The following TSPAN9 variants were observed in gnomAD, a reference collection of about 807,000 sequenced individuals.
TSPAN9 encodes the protein tetraspanin-9.
Under a neutral mutation model 31.0 loss-of-function variants are expected in TSPAN9, and 16 were observed. The observed-to-expected ratio is 0.52, with a 90% CI of 0.35 to 0.78. The LOEUF is 0.78. TSPAN9 is among the 30% of genes least tolerant of loss of function. The pLI is 0.01. For missense variants in TSPAN9, 272 were observed against 312.5 expected (o/e 0.87, Z 0.98); for synonymous variants, 145 against 121.6 (o/e 1.19, Z -1.27).
intron 3 of TSPAN9, among the ~76,000 whole-genome samples, chr12:3,254,396 G>A (rs1862307865): frequency 6.6e-6 from 1 of 152,218 alleles, no homozygotes; most frequent in African/African-American, 2.4e-5. Context: ...CTGCCCACAA[G>A]TCAACAGAAA....
intron 2 of TSPAN9, among the ~76,000 whole-genome samples, chr12:3,166,126 A>C (rs2098348308): frequency 6.6e-6 from 1 of 152,234 alleles, no homozygotes; most frequent in Admixed American, 6.5e-5. Flanking sequence ...CTTGATGAAA[A>C]TGGTTGAAAT....
At chr12:3,216,141 C>T (rs1271640443) in intron 3 of TSPAN9, among the ~76,000 whole-genome samples, 1 of 152,212 alleles carries the variant, frequency 6.6e-6, no homozygotes, top group Non-Finnish European at 1.5e-5. Flanking sequence ...ATCCCCACCC[C>T]ACCCCCACCC....
chr12:3,134,441 C>T (rs1420947745), intron 2 of TSPAN9, among the ~76,000 whole-genome samples: 1 of 152,178 alleles, frequency 6.6e-6, no homozygotes, highest in Non-Finnish European at 1.5e-5. Flanking sequence ...AGAAACTTGC[C>T]AGTCATGTCA....
In TSPAN9 at chr12:3,222,993, T is replaced by G. The variant is rs115224832; in HGVS notation, c.63+21737T>G. 6.4e-3 allele frequency among the ~76,000 whole-genome samples: 980 copies of G among 152,234 alleles called. 13 individuals are homozygous for G. Among genetic ancestry groups the G allele is most frequent in the African/African-American group, 0.023 (936 of 41,548 alleles). On this transcript the variant is annotated intron_variant, in intron 3 of 8. Coordinates refer to ENST00000011898, the MANE Select transcript of TSPAN9 (RefSeq NM_006675.5). Reference sequence around the variant, plus strand: ...GCAGAGGGGTGGGGTGTGGGCGGGCTGTGCCAGCCCACCGGGCAGGTGAGG... The same window carrying G: ...GCAGAGGGGTGGGGTGTGGGCGGGCGGTGCCAGCCCACCGGGCAGGTGAGG...
intron 3 of TSPAN9, among the ~76,000 whole-genome samples, chr12:3,217,620 CTT>C (rs1231303880): frequency 1.3e-5 from 2 of 151,866 alleles, no homozygotes; most frequent in African/African-American, 4.9e-5. Context: ...AATTCAGAGA[CTT>C]TTCCCTTTGG....
chr12:3,201,069 G>C (rs1222223527), intron 2 of TSPAN9, 108 bp from the exon 3 acceptor site: 1 of 1,073,346 alleles, frequency 9.3e-7, no homozygotes, highest in East Asian at 2.5e-5. Context: ...GCGGGCTCCC[G>C]GGGCCAGAGC....
chr12:3,229,809 ATC>A (rs1272394940), intron 3 of TSPAN9, among the ~76,000 whole-genome samples: 1 of 152,328 alleles, frequency 6.6e-6, no homozygotes, highest in African/African-American at 2.4e-5. Flanking sequence ...CCTTCCAGCC[ATC>A]TCTCTGCCCA....
At chr12:3,179,786 A>C (rs983038999) in intron 2 of TSPAN9, among the ~76,000 whole-genome samples, 2 of 152,200 alleles carry the variant, frequency 1.3e-5, no homozygotes, top group Admixed American at 1.3e-4. Context: ...GCAGGCGAGC[A>C]TGTTAAATCC....
In TSPAN9 at chr12:3,168,310, C is replaced by G. The variant is rs1202228730; in HGVS notation, c.-17-32867C>G. Among the ~76,000 whole-genome samples, 1 of 152,252 alleles carries G rather than the reference C, an allele frequency of 6.6e-6. No homozygotes were observed. Among genetic ancestry groups the G allele is most frequent in the Admixed American group, 6.5e-5 (1 of 15,294 alleles). ...CTAAGGTCTTCATAAAATCTCCCCT[C>G]TAGCGCTCGTCTTTTTGCTTCCTTC... On this transcript the variant is annotated intron_variant, in intron 2 of 8. Coordinates refer to ENST00000011898, the MANE Select transcript of TSPAN9 (RefSeq NM_006675.5). The surrounding 1 kb of genome is among the most constrained non-coding windows in gnomAD (Gnocchi z 4.0).
intron 2 of TSPAN9, among the ~76,000 whole-genome samples, chr12:3,123,625 ATT>A (rs34728784): frequency 2.7e-4 from 25 of 91,192 alleles, no homozygotes; most frequent in African/African-American, 4.6e-4. Context: ...ATTATTATGT[ATT>A]TTTTTTTTTT....
intron 3 of TSPAN9, among the ~76,000 whole-genome samples, chr12:3,252,520 C>T (rs1389648964): frequency 6.6e-6 from 1 of 152,212 alleles, no homozygotes; most frequent in Non-Finnish European, 1.5e-5. Flanking sequence ...TCCCAGAGCT[C>T]CGGGGGTGGG....
intron 3 of TSPAN9, chr12:3,206,407 G>C: frequency 2.2e-6 from 1 of 455,490 alleles, no homozygotes; most frequent in Non-Finnish European, 4.4e-6. Context: ...ACACAGGGCT[G>C]TCAAGGGAGA....
chr12:3,178,157 A>ACCAGACCCTC, intron 2 of TSPAN9, among the ~76,000 whole-genome samples: 1 of 151,752 alleles, frequency 6.6e-6, no homozygotes, highest in Non-Finnish European at 1.5e-5. Context: ...AACTTTCCTC[A>ACCAGACCCTC]CCGTCTCCGC....
chr12:3,196,123 A>T (rs771326498), intron 2 of TSPAN9, among the ~76,000 whole-genome samples: 29 of 152,108 alleles, frequency 1.9e-4, no homozygotes, highest in Non-Finnish European at 2.4e-4. Context: ...ACCAGCACCA[A>T]TGGATGGTGT....
chr12:3,111,213 G>T, intron 2 of TSPAN9, among the ~76,000 whole-genome samples: 1 of 152,204 alleles, frequency 6.6e-6, no homozygotes, highest in Admixed American at 6.5e-5. Context: ...CTGAATTCTT[G>T]TACCACTTCA....
Position 3,156,394 on chromosome 12 carries a change from G to T in TSPAN9, c.-17-44783G>T, listed in dbSNP as rs566855267. 1.8e-4 allele frequency among the ~76,000 whole-genome samples: 27 copies of T among 152,308 alleles called. No homozygotes were observed. In the East Asian group the frequency reaches 4.8e-3, roughly 27 times the overall value. On this transcript the variant is annotated intron_variant, in intron 2 of 8. Transcript: ENST00000011898. ...GGGGCAGCAGGTGGGGAGTCGGGGG[G>T]CCAGGAGATAGGGTGCTGATAGAGG...
At chr12:3,167,277 G>A (rs2153969950) in intron 2 of TSPAN9, among the ~76,000 whole-genome samples, 1 of 152,346 alleles carries the variant, frequency 6.6e-6, no homozygotes, top group African/African-American at 2.4e-5. Flanking sequence ...GATGGCCAGT[G>A]AAGATGAGCA....
chr12:3,151,332 TGTATGTAATTGGGCACGAAG>T (rs2098339625), intron 2 of TSPAN9: 1 of 152,294 alleles, frequency 6.6e-6, no homozygotes, highest in Non-Finnish European at 1.5e-5. Flanking sequence ...TCCCCTGCAC[TGTATGTAATTGGGCACGAAG>T]CCCGTGGTGG....
At chr12:3,082,930 C>T (rs10848787) in intron 1 of TSPAN9, among the ~76,000 whole-genome samples, 62,380 of 151,984 alleles carry the variant, frequency 0.41, 14,864 homozygotes, top group African/African-American at 0.66. Context: ...CAGTGGACCC[C>T]TCACGATCTC....
Sources: allele counts gnomAD v4.1 joint callset (sites outside exome capture counted in the v4.1 genomes callset), GRCh38; gene constraint gnomAD v4.1.1; non-coding constraint Gnocchi (gnomAD v3.1); transcripts MANE v1.5; gene names NCBI Gene and HGNC (gene_info 2026-07-23, HGNC 2026-07-21).